The following SMAP2 variants were observed in gnomAD, a reference collection of about 807,000 sequenced individuals.
SMAP2 encodes stromal membrane-associated protein 2.
Under a neutral mutation model 56.4 loss-of-function variants are expected in SMAP2, and 25 were observed. The observed-to-expected ratio is 0.44, with a 90% CI of 0.32 to 0.62. The LOEUF is 0.62. Among genes scored for constraint, SMAP2 ranks in the 20% least tolerant of loss-of-function variants. The pLI, the probability that SMAP2 is intolerant of heterozygous loss-of-function variation, is 0.04. For synonymous variants in SMAP2, 157 were observed against 181.7 expected, an observed-to-expected ratio of 0.86 and a Z score of 1.09; for missense variants, 388 against 545.6, an observed-to-expected ratio of 0.71 and a Z score of 2.88.
intron 1 of SMAP2, among the ~76,000 whole-genome samples, chr1:40,404,155 A>G (rs1201314227): frequency 2.0e-5 from 3 of 152,234 alleles, no homozygotes; most frequent in Admixed American, 6.5e-5. Flanking sequence ...TTTCAGCCAT[A>G]TAAGTAACAT....
At chr1:40,388,114 C>G (rs1309237224) in intron 1 of SMAP2, among the ~76,000 whole-genome samples, 1 of 152,186 alleles carries the variant, frequency 6.6e-6, no homozygotes, top group Non-Finnish European at 1.5e-5. Flanking sequence ...GACCTGCAGC[C>G]CGCCATGCCT....
chr1:40,420,695 T>G (rs1645033752), intron 9 of SMAP2, among the ~76,000 whole-genome samples: 1 of 152,214 alleles, frequency 6.6e-6, no homozygotes, highest in Non-Finnish European at 1.5e-5. Flanking sequence ...TATTTTGTAC[T>G]AAGAAAGACA....
At position 40,374,624 on chromosome 1, in the gene SMAP2, T is replaced by TGTGTGTGTGA; in HGVS notation, c.103+402_103+403insTGTGTGTGAG. Reference sequence around the variant, plus strand: ...GTGTGTGTGTGTGTGTGTGTGTGTGTGAGAGAGAGAGAGAGAGAATGACGA... The same window carrying TGTGTGTGTGA: ...GTGTGTGTGTGTGTGTGTGTGTGTGTGTGTGTGTGAGAGAGAGAGAGAGAGAGAATGACGA... On this transcript the variant is annotated intron_variant, in intron 1 of 9. Transcript: ENST00000372718. The surrounding 1 kb of genome is among the most constrained non-coding windows in gnomAD (Gnocchi z 5.9). The TGTGTGTGTGA allele has an allele frequency of 4.8e-6, 4 of 830,776 alleles. No individual in the cohort carries two copies. The highest frequency in any genetic ancestry group is 2.5e-4 in the Middle Eastern group (1 of 4,064). The allele number at this position is 830,776 out of a possible 1,614,324, so 51.5% of individuals were successfully genotyped here. A position where few individuals can be genotyped will look rare whatever the true frequency, so the allele number is the denominator to read the frequency against.
At chr1:40,400,011 G>C (rs1349061035) in intron 1 of SMAP2, among the ~76,000 whole-genome samples, 2 of 152,208 alleles carry the variant, frequency 1.3e-5, no homozygotes, top group Non-Finnish European at 2.9e-5. Context: ...GGGTAGAAGA[G>C]ATGTTACAGT....
chr1:40,378,349 A>C (rs1644561436), intron 1 of SMAP2, among the ~76,000 whole-genome samples: 1 of 152,174 alleles, frequency 6.6e-6, no homozygotes, highest in African/African-American at 2.4e-5. Flanking sequence ...ACCCATTTCT[A>C]ATGGAGGGCT....
At chr1:40,413,582 G>A (rs12725229) in intron 5 of SMAP2, among the ~76,000 whole-genome samples, 5,843 of 152,268 alleles carry the variant, frequency 0.038, 172 homozygotes, top group Non-Finnish European at 0.06. Flanking sequence ...ACATATTGTG[G>A]CTGTAGTAGT....
intron 7 of SMAP2, among the ~76,000 whole-genome samples, 170 bp downstream of exon 7, chr1:40,415,551 T>C (rs1644978786): frequency 6.6e-6 from 1 of 152,228 alleles, no homozygotes. Flanking sequence ...AAGATTGCTG[T>C]TCATGCCTTT....
Position 40,417,032 on chromosome 1 carries a change from C to T in SMAP2, c.1100C>T (p.Ala367Val). The change falls in exon 9 of 10, where the codon GCA (alanine) becomes GTA (valine). Residue 367 changes from alanine (A) to valine (V), a missense_variant. Physicochemically the swap from Ala to Val is moderately conservative, Grantham distance 64. Transcript: ENST00000372718. The stretch of plus-strand genomic sequence containing the variant: ...CAGGCTGGCTACATGGCAGGCATGG[C>T]AGCTATGCCCCAGACTGTGTATGGG... The part of the protein sequence containing the change: ...TQQAGYMAGM[A>V]AMPQTVYGVQ... 6.2e-7 allele frequency: 1 copy of T among 1,614,046 alleles called. No individual in the cohort carries two copies. Among genetic ancestry groups the T allele is most frequent in the Admixed American group, 1.7e-5 (1 of 60,018 alleles).
intron 6 of SMAP2, among the ~76,000 whole-genome samples, chr1:40,414,750 T>C (rs949555687): frequency 6.6e-6 from 1 of 152,222 alleles, no homozygotes; most frequent in African/African-American, 2.4e-5. Context: ...ATTTTTCAGA[T>C]GCAACCTGTT....
chr1:40,355,398 TATTTTTA>T lies in SMAP2; in HGVS notation c.-82-6888_-82-6882del, dbSNP rs764492151. Reference sequence around the variant, plus strand: ...CTTTCAATATGTATTTATAATTGCTTATTTTTAATTTTTAATTTTTGTGTGTACATAG... The same window carrying T: ...CTTTCAATATGTATTTATAATTGCTTATTTTTAATTTTTGTGTGTACATAG... On this transcript the variant is annotated intron_variant, in intron 1 of 6. Coordinates refer to the SMAP2 transcript ENST00000435168. 7.2e-4 allele frequency among the ~76,000 whole-genome samples: 110 copies of T among 152,324 alleles called. 1 individual carries two copies. Among genetic ancestry groups the T allele is most frequent in the Middle Eastern group, 3.4e-3 (1 of 294 alleles).
chr1:40,352,237 A>G (rs1644411880), intron 1 of SMAP2, among the ~76,000 whole-genome samples: 1 of 152,098 alleles, frequency 6.6e-6, no homozygotes, highest in Non-Finnish European at 1.5e-5. Flanking sequence ...CTTTAATGAT[A>G]TTAGGAACAG....
chr1:40,394,483 G>A (rs958796885), intron 1 of SMAP2, among the ~76,000 whole-genome samples: 2 of 152,098 alleles, frequency 1.3e-5, no homozygotes, highest in African/African-American at 4.8e-5. Context: ...GGAAGCAACT[G>A]GGGGCTTCAT....
intron 1 of SMAP2, among the ~76,000 whole-genome samples, chr1:40,376,389 A>G (rs1343510605): frequency 6.6e-6 from 1 of 152,166 alleles, no homozygotes; most frequent in Admixed American, 6.5e-5. Context: ...TGGATCCTCA[A>G]TTTCTTTTCA....
At chr1:40,358,993 A>G (rs912026214) in intron 1 of SMAP2, among the ~76,000 whole-genome samples, 10 of 151,998 alleles carry the variant, frequency 6.6e-5, no homozygotes, top group African/African-American at 1.7e-4. Context: ...TATGGTTTGT[A>G]TCTTGAAATC....
At chr1:40,396,166 T>A (rs571647250) in intron 1 of SMAP2, among the ~76,000 whole-genome samples, 23 of 152,304 alleles carry the variant, frequency 1.5e-4, no homozygotes, top group African/African-American at 4.6e-4. Flanking sequence ...CTTTGATATA[T>A]TATATAAGTA....
At chr1:40,403,992 G>A (rs1244049137) in intron 1 of SMAP2, among the ~76,000 whole-genome samples, 1 of 152,190 alleles carries the variant, frequency 6.6e-6, no homozygotes, top group Non-Finnish European at 1.5e-5. Flanking sequence ...CAGCTACATG[G>A]GAGGCTGAGG....
intron 1 of SMAP2, among the ~76,000 whole-genome samples, chr1:40,389,403 A>T (rs1459143293): frequency 4.6e-5 from 7 of 152,204 alleles, no homozygotes; most frequent in Admixed American, 4.6e-4. Context: ...TGTCTGGCAC[A>T]TAGTGTCTAT....
chr1:40,389,929 A>G (rs957782852), intron 1 of SMAP2, among the ~76,000 whole-genome samples: 1 of 20,770 alleles, frequency 4.8e-5, no homozygotes, highest in African/African-American at 1.8e-4. Context: ...TCCCCCGCCC[A>G]CCCCCAGACC....
intron 1 of SMAP2, among the ~76,000 whole-genome samples, chr1:40,352,388 A>G (rs1434941067): frequency 2.0e-5 from 3 of 152,072 alleles, no homozygotes; most frequent in African/African-American, 4.8e-5. Context: ...ATTTTCATGC[A>G]TTTTAATCTC....
Sources: gnomAD v4.1 joint callset for allele counts (sites outside exome capture counted in the v4.1 genomes callset) on GRCh38, gnomAD v4.1.1 for gene constraint, Gnocchi (gnomAD v3.1) non-coding constraint, MANE v1.5 for transcripts, NCBI Gene and HGNC (gene_info 2026-07-23, HGNC 2026-07-21) for gene names.